Variants in CRBN observed in about 807,000 individuals in gnomAD.
CRBN encodes cereblon.
CRBN carries 53 observed loss-of-function variants against 62.2 expected under a neutral mutation model. The ratio of observed to expected loss-of-function variants is 0.85; its 90% CI spans 0.68 to 1.07. The LOEUF is 1.07. Ranked by LOEUF, CRBN falls within the 50% of genes least tolerant of loss-of-function variation. The probability of loss-of-function intolerance (pLI) is 0.00; values close to 1 mark genes in which losing one functional copy is unlikely to be tolerated. For synonymous variants in CRBN, 208 were observed against 176.1 expected (o/e 1.18, Z -1.43); for missense variants, 616 against 531.1 (o/e 1.16, Z -1.57).
chr3:3,153,732 C>T (rs1706743423), intron 8 of CRBN: 2 of 614,724 alleles, frequency 3.3e-6, no homozygotes, highest in Middle Eastern at 3.6e-4. Flanking sequence ...TGATATATAA[C>T]CTTGGATATT....
intron 6 of CRBN, chr3:3,156,003 C>A (rs1706875692): frequency 3.9e-6 from 2 of 518,050 alleles, no homozygotes; most frequent in Admixed American, 3.4e-5. Context: ...GGGGTTTCAC[C>A]ATGTTGCCCA....
chr3:3,176,417 C>T (rs1314671479), intron 1 of CRBN, among the ~76,000 whole-genome samples: 1 of 152,030 alleles, frequency 6.6e-6, no homozygotes, highest in African/African-American at 2.4e-5. Flanking sequence ...CTAGTGACAA[C>T]ATTTCCCTGG....
downstream of CRBN, chr3:3,149,875 G>T (rs191165427): frequency 2.0e-5 from 3 of 152,076 alleles, no homozygotes; most frequent in South Asian, 4.2e-4. Flanking sequence ...CCAATAAAAC[G>T]AAAGTTATCA....
intron 2 of CRBN, among the ~76,000 whole-genome samples, chr3:3,174,766 TA>T (rs1707762562): frequency 6.6e-6 from 1 of 152,256 alleles, no homozygotes. Context: ...TCTAATCTTT[TA>T]TGAATATATC....
At chr3:3,160,308 T>A (rs1279220304) in intron 5 of CRBN, among the ~76,000 whole-genome samples, 1 of 152,248 alleles carries the variant, frequency 6.6e-6, no homozygotes, top group Admixed American at 6.5e-5. Flanking sequence ...ATATAGTGAC[T>A]AAAAGTGGTC....
At chr3:3,161,586 A>G (rs1707141247) in intron 5 of CRBN, among the ~76,000 whole-genome samples, 2 of 152,092 alleles carry the variant, frequency 1.3e-5, no homozygotes, top group Non-Finnish European at 2.9e-5. Flanking sequence ...ACGGGGTTTC[A>G]CCATTTTGGC....
At position 3,175,216 on chromosome 3, in the gene CRBN, C is replaced by G; in HGVS notation, c.121G>C (p.Ala41Pro). Residue 41 changes from alanine to proline, a missense_variant, in exon 2 of 11, where the codon GCC becomes CCC. By Grantham distance (27) the Ala-to-Pro change is conservative (BLOSUM62 -1). Coordinates refer to ENST00000231948, the MANE Select transcript of CRBN (RefSeq NM_016302.4). Reference sequence around the variant, plus strand: ...AAATTTATGATGTTTGGTTTTTTGGCTTCTTTACTATCCTGGTCTTCAACT... The same window carrying G: ...AAATTTATGATGTTTGGTTTTTTGGGTTCTTTACTATCCTGGTCTTCAACT... ...MEVEDQDSKE[A>P]KKPNIINFDT... 6.2e-7 allele frequency: 1 copy of G among 1,613,522 alleles called. No individual in the cohort carries two copies. Among genetic ancestry groups the G allele is most frequent in the Non-Finnish European group, 8.5e-7 (1 of 1,179,728 alleles).
At position 3,167,756 on chromosome 3, in the gene CRBN, C is replaced by T. The variant is rs979686533; in HGVS notation, c.565G>A (p.Val189Met). 3.1e-6 allele frequency: 5 copies of T among 1,613,464 alleles called. No homozygotes were observed. The highest frequency in any genetic ancestry group is 2.7e-5 in the African/African-American group (2 of 74,866). The part of the protein sequence containing the change: ...QAKVQILPEC[V>M]LPSTMSAVQL... ...ACTGCAGACATGGTTGAAGGCAACACACATTCGGGAAGAATTTGCACTTTA... is the reference window on the plus strand; with the variant it reads ...ACTGCAGACATGGTTGAAGGCAACATACATTCGGGAAGAATTTGCACTTTA... Residue 189 changes from valine to methionine, a missense_variant, in exon 5 of 11, where the codon GTG becomes ATG. By Grantham distance (21) the Val-to-Met change is conservative. Coordinates refer to ENST00000231948, the MANE Select transcript of CRBN (RefSeq NM_016302.4).
At chr3:3,164,010 G>C (rs952962411) in intron 5 of CRBN, among the ~76,000 whole-genome samples, 5 of 152,136 alleles carry the variant, frequency 3.3e-5, no homozygotes, top group African/African-American at 1.2e-4. Context: ...TGTTATTACT[G>C]TAACTGTTTT....
At chr3:3,164,434 G>A (rs994151801) in intron 5 of CRBN, among the ~76,000 whole-genome samples, 10 of 152,152 alleles carry the variant, frequency 6.6e-5, no homozygotes, top group Non-Finnish European at 1.5e-4. Context: ...TTTCCGTTGA[G>A]CCAAAGCCTA....
At chr3:3,167,857 T>A (rs766982960) in intron 4 of CRBN, 64 bp from the exon 5 acceptor site, 2 of 1,482,372 alleles carry the variant, frequency 1.3e-6, no homozygotes, top group African/African-American at 2.8e-5. Context: ...AACTATAAGT[T>A]TCTAAACAGT....
chr3:3,158,863 A>G (rs1707021020), intron 5 of CRBN, among the ~76,000 whole-genome samples: 1 of 152,154 alleles, frequency 6.6e-6, no homozygotes, highest in Non-Finnish European at 1.5e-5. Context: ...CCCAAATCTC[A>G]TCTTGAATTG....
chr3:3,168,348 T>G (rs3792414), intron 4 of CRBN, among the ~76,000 whole-genome samples: 28,275 of 152,168 alleles, frequency 0.19, 3,674 homozygotes, highest in East Asian at 0.72. Flanking sequence ...TCTTAAGAGT[T>G]TAACTGTACA....
intron 5 of CRBN, among the ~76,000 whole-genome samples, chr3:3,166,368 G>A (rs1707351644): frequency 6.6e-6 from 1 of 152,086 alleles, no homozygotes; most frequent in African/African-American, 2.4e-5. Context: ...CCATGATTGT[G>A]AGGCCTCCCC....
chr3:3,157,882 A>AC (rs1180699503), intron 5 of CRBN, among the ~76,000 whole-genome samples: 6 of 152,218 alleles, frequency 3.9e-5, no homozygotes, highest in Admixed American at 2.6e-4. Context: ...ATGTCTTGTT[A>AC]CCAGAGATGT....
intron 5 of CRBN, among the ~76,000 whole-genome samples, chr3:3,162,020 A>C (rs1707162230): frequency 6.6e-6 from 1 of 152,212 alleles, no homozygotes; most frequent in African/African-American, 2.4e-5. Context: ...TTTAAACACT[A>C]ATCTGGGAGA....
chr3:3,179,629 A>C lies in CRBN; in HGVS notation c.59T>G (p.Leu20Arg). The change falls in exon 1 of 11, where the codon CTC becomes CGC. Residue 20 changes from leucine (L) to arginine (R), a missense_variant. By Grantham distance (102) the Leu-to-Arg change is moderately radical. Coordinates refer to ENST00000231948, the MANE Select transcript of CRBN (RefSeq NM_016302.4). ...CTACTCCGGGCGGTTACCAGGCAGG[A>C]GCGGCAGGTGGTTGCCCATGTTGTG... ...AAHNMGNHLPLLPAESEEEDE... is the reference protein window; with the variant it reads ...AAHNMGNHLPRLPAESEEEDE... The C allele has an allele frequency of 6.2e-7, 1 of 1,613,572 alleles. No homozygotes were observed. Among genetic ancestry groups the C allele is most frequent in the South Asian group, 1.1e-5 (1 of 91,068 alleles).
chr3:3,153,969 A>G lies in CRBN; in HGVS notation c.942T>C (p.Ile314=). The change falls in exon 8 of 11, where the codon ATT becomes ATC. Residue 314 remains isoleucine, a synonymous_variant. Transcript: ENST00000231948. ...AIQRLRCELD[I]MNKCTSLCCK... ...TATTCACTTTACTCACTTTATTCAT[A>G]ATGTCTAATTCACAGCGAAGTCGCT... The G allele has an allele frequency of 6.3e-7, 1 of 1,592,160 alleles. No homozygotes were observed. Among genetic ancestry groups the G allele is most frequent in the Non-Finnish European group, 8.6e-7 (1 of 1,159,986 alleles).
rs534395088 is a variant in CRBN, at chr3:3,154,750, T to C, written c.832A>G (p.Ile278Val). 38 of 1,574,094 alleles carry C rather than the reference T, an allele frequency of 2.4e-5. No homozygotes were observed. In the South Asian group the frequency reaches 2.9e-4, roughly 12 times the overall value. The change falls in exon 7 of 11, where the codon ATA becomes GTA. Residue 278 changes from isoleucine (I) to valine (V), a missense_variant. Physicochemically the swap from Ile to Val is conservative, Grantham distance 29 (BLOSUM62 3). Coordinates refer to ENST00000231948, the MANE Select transcript of CRBN (RefSeq NM_016302.4). ...GCAGGAAACTAACTTTTCATACCTA[T>C]TGGATTTGAAGGAAGAGAATCATCT... Reference protein sequence around the residue: ...LKDDSLPSNPIDFSYRVAACL... With the variant: ...LKDDSLPSNPVDFSYRVAACL...
Sources: allele counts gnomAD v4.1 joint callset (sites outside exome capture counted in the v4.1 genomes callset), GRCh38; gene constraint gnomAD v4.1.1; transcripts MANE v1.5; gene names NCBI Gene and HGNC (gene_info 2026-07-23, HGNC 2026-07-21).